The following AASDHPPT variants were observed in gnomAD, a reference collection of about 807,000 sequenced individuals.
AASDHPPT encodes aminoadipate-semialdehyde dehydrogenase-phosphopantetheinyl transferase.
In AASDHPPT, 23 loss-of-function variants were observed where a neutral mutation model predicts 36.4. The ratio of observed to expected loss-of-function variants is 0.63; its 90% confidence interval spans 0.45 to 0.89. The LOEUF (loss-of-function observed/expected upper bound fraction) is 0.89, where lower values mean the gene tolerates loss of function less well. AASDHPPT is among the 40% of genes least tolerant of loss of function. The pLI, the probability that AASDHPPT is intolerant of heterozygous loss-of-function variation, is 0.00. For missense variants in AASDHPPT, 377 were observed against 378.2 expected, an observed-to-expected ratio of 1.00 and a Z score of 0.03; for synonymous variants, 115 against 128.0, an observed-to-expected ratio of 0.90 and a Z score of 0.68.
intron 5 of AASDHPPT, among the ~76,000 whole-genome samples, chr11:106,095,043 T>A (rs978109180): frequency 6.6e-6 from 1 of 152,094 alleles, no homozygotes; most frequent in Non-Finnish European, 1.5e-5. Context: ...GGAGAATCGC[T>A]TGAACCTGGG....
At position 106,091,381 on chromosome 11, in the gene AASDHPPT, A is replaced by G. The variant is rs1861255566; in HGVS notation, c.597A>G (p.Glu199=). The change falls in exon 4 of 6, where the codon GAA becomes GAG. Residue 199 remains glutamate (E), a synonymous_variant. Transcript: ENST00000278618. Reference sequence around the variant, plus strand: ...TAGGATTTGAATTGCAGCGGCTTGAATTTGATCTATCTCCATTAAACTTGG... The same window carrying G: ...TAGGATTTGAATTGCAGCGGCTTGAGTTTGATCTATCTCCATTAAACTTGG... The part of the protein sequence containing the change: ...VGLGFELQRL[E]FDLSPLNLDI... The G allele has an allele frequency of 1.2e-6, 2 of 1,608,780 alleles. No homozygotes were observed. The highest frequency in any genetic ancestry group is 8.5e-7 in the Non-Finnish European group (1 of 1,177,780).
At chr11:106,088,297 AGAAGGCTTCTTG>A (rs1861218113) in intron 2 of AASDHPPT, among the ~76,000 whole-genome samples, 1 of 152,048 alleles carries the variant, frequency 6.6e-6, no homozygotes, top group Admixed American at 6.6e-5. Context: ...GTTAAAAATC[AGAAGGCTTCTTG>A]GAGGTTATAA....
chr11:106,080,003 T>C (rs754547142), intron 2 of AASDHPPT, among the ~76,000 whole-genome samples: 8 of 152,196 alleles, frequency 5.3e-5, no homozygotes, highest in Non-Finnish European at 1.0e-4. Context: ...TTAACCACAA[T>C]TTTTCAGTTA....
chr11:106,080,989 T>C (rs751022010), intron 2 of AASDHPPT, among the ~76,000 whole-genome samples: 3 of 152,252 alleles, frequency 2.0e-5, no homozygotes, highest in Non-Finnish European at 4.4e-5. Flanking sequence ...TGTATCTCAG[T>C]TGATTATTCA....
intron 1 of AASDHPPT, among the ~76,000 whole-genome samples, chr11:106,078,264 A>G (rs1257924806): frequency 6.6e-6 from 1 of 152,128 alleles, no homozygotes; most frequent in Non-Finnish European, 1.5e-5. Context: ...GTGTGCGTTC[A>G]TAGCCTATGC....
chr11:106,087,431 C>A (rs1861208099), intron 2 of AASDHPPT, among the ~76,000 whole-genome samples: 1 of 152,086 alleles, frequency 6.6e-6, no homozygotes, highest in Non-Finnish European at 1.5e-5. Context: ...ATTACAATTT[C>A]TAATATGATT....
At chr11:106,080,819 T>G (rs1287595087) in intron 2 of AASDHPPT, among the ~76,000 whole-genome samples, 1 of 152,212 alleles carries the variant, frequency 6.6e-6, no homozygotes, top group Non-Finnish European at 1.5e-5. Flanking sequence ...GTAAGGCTTG[T>G]ATTAATTTTA....
chr11:106,091,652 AAAG>A, intron 4 of AASDHPPT, 175 bp downstream of exon 4: 1 of 526,490 alleles, frequency 1.9e-6, no homozygotes, highest in Non-Finnish European at 3.2e-6. Context: ...CTAATACTTG[AAAG>A]AAGTTGAAAG....
At chr11:106,088,918 G>A (rs1861227065) in intron 2 of AASDHPPT, among the ~76,000 whole-genome samples, 1 of 152,034 alleles carries the variant, frequency 6.6e-6, no homozygotes, top group Non-Finnish European at 1.5e-5. Flanking sequence ...ACTAAGAGGA[G>A]ACTATTTTGA....
At position 106,077,788 on chromosome 11, in the gene AASDHPPT, G is replaced by GCTGCCGAGC; in HGVS notation, c.80_88dup (p.Leu27_Ser29dup). On this transcript the variant is annotated inframe_insertion, in exon 1 of 6. Coordinates refer to ENST00000278618, the MANE Select transcript of AASDHPPT (RefSeq NM_015423.3). ...GCTGGGCCTTTTCCTGCGGCACTTG[G>GCTGCCGAGC]CTGCCGAGCCGAGCCGAATGGCTGC... 6.2e-7 allele frequency: 1 copy of GCTGCCGAGC among 1,614,178 alleles called. No individual in the cohort carries two copies. Among genetic ancestry groups the GCTGCCGAGC allele is most frequent in the Non-Finnish European group, 8.5e-7 (1 of 1,180,022 alleles).
rs78431114 is a variant in AASDHPPT at position 106,079,613 on chromosome 11, T to C, written c.330T>C (p.Ser110=). The change falls in exon 2 of 6, where the codon TCT becomes TCC. Residue 110 remains serine, a synonymous_variant. Transcript: ENST00000278618. The part of the protein sequence containing the change: ...NPYPNFNFNI[S]HQGDYAVLAA... Reference sequence around the variant, plus strand: ...ACCCGAATTTCAACTTTAACATCTCTCATCAAGGAGACTATGCAGTGCTTG... The same window carrying C: ...ACCCGAATTTCAACTTTAACATCTCCCATCAAGGAGACTATGCAGTGCTTG... 1.4e-3 allele frequency: 2,316 copies of C among 1,614,192 alleles called. 39 individuals carry two copies. The East Asian group carries it at 0.035, about 24-fold the overall frequency.
chr11:106,090,547 T>G lies in AASDHPPT; in HGVS notation c.410-10T>G. The G allele has an allele frequency of 6.4e-7, 1 of 1,562,706 alleles. No homozygotes were observed. Among genetic ancestry groups the G allele is most frequent in the South Asian group, 1.2e-5 (1 of 82,344 alleles). On this transcript the variant is annotated splice_polypyrimidine_tract_variant and intron_variant, in intron 2 of 5. Transcript: ENST00000278618. Reference sequence around the variant, plus strand: ...AACTGCTATTTAATTTTTTATTTCTTAATTGGCAGGTCGTGGTTCAATTCC... The same window carrying G: ...AACTGCTATTTAATTTTTTATTTCTGAATTGGCAGGTCGTGGTTCAATTCC...
chr11:106,094,634 G>T lies in AASDHPPT; in HGVS notation c.745G>T (p.Asp249Tyr). ...HFVAVALRKP[D>Y]GSRHQDVPSQ... ...TGTTGCAGTTGCTCTTAGGAAACCC[G>T]ATGGATCTAGACATCAGGATGTAAG... Residue 249 changes from aspartate (D) to tyrosine (Y), a missense_variant, in exon 5 of 6, where the codon GAT (aspartate) becomes TAT (tyrosine). Transcript: ENST00000278618. The T allele has an allele frequency of 1.2e-6, 2 of 1,604,806 alleles. No individual in the cohort carries two copies. Among genetic ancestry groups the T allele is most frequent in the Non-Finnish European group, 1.7e-6 (2 of 1,175,440 alleles).
intron 2 of AASDHPPT, among the ~76,000 whole-genome samples, chr11:106,087,732 G>A (rs990376342): frequency 2.6e-5 from 4 of 152,100 alleles, no homozygotes; most frequent in African/African-American, 4.8e-5. Flanking sequence ...ATTAGTTGCT[G>A]GGTGGTCTTG....
chr11:106,079,623 G>A lies in AASDHPPT; in HGVS notation c.340G>A (p.Asp114Asn). ...CAACTTTAACATCTCTCATCAAGGA[G>A]ACTATGCAGTGCTTGCTGCTGAACC... Reference protein sequence around the residue: ...NFNFNISHQGDYAVLAAEPEL... With the variant: ...NFNFNISHQGNYAVLAAEPEL... Residue 114 changes from aspartate (D) to asparagine (N), a missense_variant, in exon 2 of 6, where the codon GAC becomes AAC. Transcript: ENST00000278618. The A allele has an allele frequency of 6.2e-7, 1 of 1,614,174 alleles. No individual in the cohort carries two copies. The highest frequency in any genetic ancestry group is 8.5e-7 in the Non-Finnish European group (1 of 1,180,020).
intron 2 of AASDHPPT, among the ~76,000 whole-genome samples, chr11:106,081,160 A>T (rs1301721802): frequency 6.6e-6 from 1 of 152,218 alleles, no homozygotes; most frequent in African/African-American, 2.4e-5. Flanking sequence ...CTGTGCTGTT[A>T]GAGTATAGGC....
At chr11:106,082,531 T>C (rs911951191) in intron 2 of AASDHPPT, among the ~76,000 whole-genome samples, 5 of 152,148 alleles carry the variant, frequency 3.3e-5, no homozygotes, top group African/African-American at 9.7e-5. Context: ...ATTAGTGCAT[T>C]GAAAGAGTCA....
rs1190873359 is a variant in AASDHPPT, at chr11:106,097,695, ATTTT to A, written c.*790_*793del. On this transcript the variant is annotated 3_prime_UTR_variant, in exon 6 of 6. Coordinates refer to ENST00000278618, the MANE Select transcript of AASDHPPT (RefSeq NM_015423.3). ...CTCATTTGTTTTATCCATGAGGAAG[ATTTT>A]TAACAAAAGCCTCCAGAAGATTTCC... 6.6e-6 allele frequency: 1 copy of A among 152,114 alleles called. No homozygotes were observed. The highest frequency in any genetic ancestry group is 1.5e-5 in the Non-Finnish European group (1 of 67,990). 9.4% of individuals were successfully genotyped at this position (152,114 alleles called of 1,614,324 possible). A position where few individuals can be genotyped will look rare whatever the true frequency, so the allele number is the denominator to read the frequency against.
chr11:106,090,507 T>C, intron 2 of AASDHPPT, 50 bp from the exon 3 acceptor site: 1 of 1,480,868 alleles, frequency 6.8e-7, no homozygotes, highest in Non-Finnish European at 9.0e-7. Flanking sequence ...AGAGCAACTT[T>C]TTATTTTTTA....
Sources: allele counts gnomAD v4.1 joint callset (sites outside exome capture counted in the v4.1 genomes callset), GRCh38; gene constraint gnomAD v4.1.1; transcripts MANE v1.5; gene names NCBI Gene and HGNC (gene_info 2026-07-23, HGNC 2026-07-21).